The following SGCZ variants were observed in gnomAD, a reference collection of about 807,000 sequenced individuals.
SGCZ encodes the protein sarcoglycan zeta.
SGCZ carries 40 observed loss-of-function variants against 41.3 expected under a neutral mutation model. The ratio of observed to expected loss-of-function variants is 0.97; its 90% CI spans 0.75 to 1.26. SGCZ has a LOEUF of 1.26. Among genes scored for constraint, SGCZ ranks in the 50% most tolerant of loss-of-function variants. The probability of loss-of-function intolerance (pLI) is 0.00; values close to 1 mark genes in which losing one functional copy is unlikely to be tolerated. For synonymous variants in SGCZ, 206 were observed against 137.5 expected (o/e 1.50, Z -3.49); for missense variants, 552 against 369.8 (o/e 1.49, Z -4.04).
chr8:14,614,588 C>T (rs1013108286), intron 1 of SGCZ, among the ~76,000 whole-genome samples: 8 of 152,064 alleles, frequency 5.3e-5, no homozygotes, highest in East Asian at 1.9e-4. Flanking sequence ...CATCAAAATT[C>T]AAACTGCAAA....
chr8:15,090,713 G>A (rs1806125382), intron 1 of SGCZ, among the ~76,000 whole-genome samples: 1 of 152,178 alleles, frequency 6.6e-6, no homozygotes, highest in Non-Finnish European at 1.5e-5. Context: ...GAAGCAAATA[G>A]ATGGTTAATG....
chr8:14,101,220 A>T (rs1802009893), intron 7 of SGCZ, among the ~76,000 whole-genome samples: 1 of 152,144 alleles, frequency 6.6e-6, no homozygotes, highest in African/African-American at 2.4e-5. Flanking sequence ...AGTGGGGAGA[A>T]CCCTGAAAAT....
chr8:14,575,622 G>A (rs1040496242), intron 1 of SGCZ, among the ~76,000 whole-genome samples: 4 of 151,964 alleles, frequency 2.6e-5, no homozygotes, highest in African/African-American at 9.7e-5. Context: ...AAAATGAATT[G>A]AGGGCCAGGC....
chr8:15,217,404 G>A (rs567167505), intron 1 of SGCZ, among the ~76,000 whole-genome samples: 154 of 134,090 alleles, frequency 1.1e-3, no homozygotes, highest in Non-Finnish European at 1.8e-3. Flanking sequence ...GAGACACAGC[G>A]AGACTCCGTC....
intron 1 of SGCZ, among the ~76,000 whole-genome samples, chr8:14,886,173 G>A (rs1804798550): frequency 6.6e-6 from 1 of 151,132 alleles, no homozygotes; most frequent in Non-Finnish European, 1.5e-5. Context: ...CATTGTTGAT[G>A]ATTGTTTATA....
At chr8:14,771,868 T>G (rs1477933026) in intron 1 of SGCZ, among the ~76,000 whole-genome samples, 1 of 152,148 alleles carries the variant, frequency 6.6e-6, no homozygotes, top group African/African-American at 2.4e-5. Context: ...CCCATGTAAT[T>G]TGAATCAATA....
chr8:14,754,963 C>A (rs1196139280), intron 1 of SGCZ, among the ~76,000 whole-genome samples: 6 of 152,200 alleles, frequency 3.9e-5, no homozygotes, highest in Non-Finnish European at 8.8e-5. Flanking sequence ...TTCCTGAGCT[C>A]AAGCGATCCT....
chr8:14,981,640 T>C (rs1461286029), intron 1 of SGCZ, among the ~76,000 whole-genome samples: 1 of 152,166 alleles, frequency 6.6e-6, no homozygotes, highest in Non-Finnish European at 1.5e-5. Context: ...GTGGTCCAAC[T>C]CACATGATGG....
At chr8:15,094,295 T>C (rs868472025) in intron 1 of SGCZ, among the ~76,000 whole-genome samples, 2 of 152,056 alleles carry the variant, frequency 1.3e-5, no homozygotes, top group Non-Finnish European at 2.9e-5. Context: ...CCACCATGCC[T>C]AGCTAATTTT....
chr8:14,541,177 T>C (rs1449367784), intron 2 of SGCZ, among the ~76,000 whole-genome samples: 1 of 151,968 alleles, frequency 6.6e-6, no homozygotes, highest in Non-Finnish European at 1.5e-5. Context: ...ATACAGGTAC[T>C]GAATGTGTAG....
chr8:14,973,501 C>G (rs1007411778), intron 1 of SGCZ, among the ~76,000 whole-genome samples: 1 of 152,092 alleles, frequency 6.6e-6, no homozygotes, highest in Non-Finnish European at 1.5e-5. Flanking sequence ...CTCCCTTGTC[C>G]GTTTAACTGT....
chr8:14,922,546 C>T (rs1799620928), intron 1 of SGCZ, among the ~76,000 whole-genome samples: 1 of 152,024 alleles, frequency 6.6e-6, no homozygotes, highest in African/African-American at 2.4e-5. Context: ...CCTCTGCCTC[C>T]CGGGTTCAAG....
chr8:14,382,631 G>T (rs1248077492), intron 2 of SGCZ, among the ~76,000 whole-genome samples: 3 of 152,142 alleles, frequency 2.0e-5, no homozygotes, highest in Non-Finnish European at 4.4e-5. Flanking sequence ...GAGATTGAGG[G>T]TTAAAGAAGA....
At chr8:14,256,825 T>C (rs544282308) in intron 3 of SGCZ, among the ~76,000 whole-genome samples, 1 of 152,234 alleles carries the variant, frequency 6.6e-6, no homozygotes. Context: ...TCAAACTGTC[T>C]AATATTTACT....
chr8:14,772,842 G>C (rs1227540985), intron 1 of SGCZ, among the ~76,000 whole-genome samples: 1 of 152,038 alleles, frequency 6.6e-6, no homozygotes, highest in South Asian at 2.1e-4. Flanking sequence ...GGACATTTGG[G>C]TTGGTTCCAA....
rs61299315 is a variant in SGCZ at position 15,064,981 on chromosome 8, C to A, written c.39+172604G>T. On this transcript the variant is annotated intron_variant, in intron 1 of 7. Transcript: ENST00000382080. ...TTTTTTCCTGTGTCATTTCCAGAGC[C>A]TCCATCCCAAGTCTCCAGGCTTCAT... Among the ~76,000 whole-genome samples, 1,277 of 152,226 alleles carry A rather than the reference C, an allele frequency of 8.4e-3. 15 individuals carry two copies. Among genetic ancestry groups the A allele is most frequent in the African/African-American group, 0.028 (1,158 of 41,548 alleles).
At chr8:15,096,761 C>T (rs998964778) in intron 1 of SGCZ, among the ~76,000 whole-genome samples, 11 of 152,256 alleles carry the variant, frequency 7.2e-5, no homozygotes, top group African/African-American at 2.4e-4. Context: ...TCTCGGCTCA[C>T]TGTAACCTCC....
At chr8:14,485,152 C>A (rs1261501942) in intron 2 of SGCZ, among the ~76,000 whole-genome samples, 1 of 152,162 alleles carries the variant, frequency 6.6e-6, no homozygotes, top group African/African-American at 2.4e-5. Flanking sequence ...AGAATCTTGC[C>A]TTGAGATTTT....
chr8:14,277,053 G>A (rs1291490935), intron 3 of SGCZ, among the ~76,000 whole-genome samples: 1 of 152,006 alleles, frequency 6.6e-6, no homozygotes, highest in African/African-American at 2.4e-5. Context: ...TCCTCACTTT[G>A]TTTGTGCTAT....
Sources: gnomAD v4.1 joint callset for allele counts (sites outside exome capture counted in the v4.1 genomes callset) on GRCh38, gnomAD v4.1.1 for gene constraint, MANE v1.5 for transcripts, NCBI Gene and HGNC (gene_info 2026-07-23, HGNC 2026-07-21) for gene names.